The following CSNK1G1 variants were observed in gnomAD, a reference collection of about 807,000 sequenced individuals.
CSNK1G1 encodes casein kinase I isoform gamma-1.
Under a neutral mutation model 59.6 loss-of-function variants are expected in CSNK1G1, and 22 were observed. That is an observed-to-expected ratio of 0.37 (90% CI 0.26 to 0.53). The LOEUF is 0.53. Ranked by LOEUF, CSNK1G1 falls within the 20% of genes least tolerant of loss-of-function variation. The probability of loss-of-function intolerance (pLI) is 0.89; values close to 1 mark genes in which losing one functional copy is unlikely to be tolerated. For synonymous variants in CSNK1G1, 179 were observed against 177.1 expected (o/e 1.01, Z -0.08); for missense variants, 384 against 519.5 (o/e 0.74, Z 2.54).
chr15:64,204,779 C>T, intron 8 of CSNK1G1, 86 bp downstream of exon 8: 8 of 1,107,140 alleles, frequency 7.2e-6, no homozygotes, highest in South Asian at 1.3e-5. Context: ...ATTACCTAAA[C>T]AGCACCCCTA....
At chr15:64,213,550 C>T (rs951224493) in intron 6 of CSNK1G1, among the ~76,000 whole-genome samples, 1 of 152,192 alleles carries the variant, frequency 6.6e-6, no homozygotes, top group Non-Finnish European at 1.5e-5. Flanking sequence ...GCCTGATGTC[C>T]TCTTCAGGAC....
chr15:64,354,152 A>G (rs1898497782), intron 1 of CSNK1G1, among the ~76,000 whole-genome samples: 1 of 152,140 alleles, frequency 6.6e-6, no homozygotes, highest in Non-Finnish European at 1.5e-5. Flanking sequence ...AAAAATACAA[A>G]AAATTAGCTG....
intron 4 of CSNK1G1, among the ~76,000 whole-genome samples, chr15:64,243,886 A>G (rs1009507098): frequency 6.6e-6 from 1 of 151,554 alleles, no homozygotes; most frequent in African/African-American, 2.4e-5. Context: ...ATAAATAAAC[A>G]GGCCGGGCAT....
At chr15:64,251,478 T>C (rs373737364) in intron 4 of CSNK1G1, 34 bp downstream of exon 4, 2 of 1,511,848 alleles carry the variant, frequency 1.3e-6, no homozygotes, top group South Asian at 1.2e-5. Context: ...CTAAGATACA[T>C]ACTAAGTAAG....
At chr15:64,180,528 G>A (rs1487278051) in intron 10 of CSNK1G1, 74 bp from the exon 11 acceptor site, 27 of 1,158,334 alleles carry the variant, frequency 2.3e-5, no homozygotes, top group Non-Finnish European at 2.7e-5. Context: ...AGACAGGGTC[G>A]CTAAACAGGC....
intron 2 of CSNK1G1, among the ~76,000 whole-genome samples, chr15:64,295,940 G>C (rs942961800): frequency 6.6e-6 from 1 of 152,128 alleles, no homozygotes; most frequent in Non-Finnish European, 1.5e-5. Flanking sequence ...CTATGACCCA[G>C]TCATGTATAA....
chr15:64,270,019 C>G (rs1893199886), intron 2 of CSNK1G1, among the ~76,000 whole-genome samples: 1 of 152,110 alleles, frequency 6.6e-6, no homozygotes. Context: ...ACTGGCCAGG[C>G]TGGTCTTGAA....
At chr15:64,227,566 GAAGTCCAGT>G (rs1316436176) in intron 4 of CSNK1G1, among the ~76,000 whole-genome samples, 2 of 152,124 alleles carry the variant, frequency 1.3e-5, no homozygotes, top group East Asian at 3.9e-4. Context: ...AATATGAAAG[GAAGTCCAGT>G]AACTTCTTCC....
intron 1 of CSNK1G1, among the ~76,000 whole-genome samples, chr15:64,334,934 T>TA (rs1897307526): frequency 6.6e-6 from 1 of 152,232 alleles, no homozygotes; most frequent in Admixed American, 6.5e-5. Flanking sequence ...AGTGTACTTC[T>TA]ATAACTACCT....
At chr15:64,351,078 C>T (rs1333386437) in intron 1 of CSNK1G1, among the ~76,000 whole-genome samples, 1 of 152,088 alleles carries the variant, frequency 6.6e-6, no homozygotes, top group Non-Finnish European at 1.5e-5. Context: ...ATATGTAGTA[C>T]TAAAATCTAT....
intron 1 of CSNK1G1, among the ~76,000 whole-genome samples, chr15:64,340,676 A>T (rs1048406639): frequency 2.0e-5 from 3 of 152,186 alleles, no homozygotes; most frequent in African/African-American, 7.2e-5. Flanking sequence ...CTTTAAGGTC[A>T]TGTATGTTGG....
intron 6 of CSNK1G1, among the ~76,000 whole-genome samples, chr15:64,208,195 T>G (rs1487813283): frequency 6.6e-6 from 1 of 152,208 alleles, no homozygotes; most frequent in Non-Finnish European, 1.5e-5. Context: ...TAGAATTTAT[T>G]ACTAAGGTCT....
At chr15:64,257,493 C>T (rs1021388406) in intron 3 of CSNK1G1, among the ~76,000 whole-genome samples, 1 of 152,190 alleles carries the variant, frequency 6.6e-6, no homozygotes, top group South Asian at 2.1e-4. Flanking sequence ...TTAAGAATAA[C>T]CAAATTCCTA....
chr15:64,345,991 T>G (rs1355158370), intron 1 of CSNK1G1, among the ~76,000 whole-genome samples: 3 of 151,984 alleles, frequency 2.0e-5, no homozygotes, highest in Non-Finnish European at 4.4e-5. Context: ...GGGTTTCACC[T>G]TGTTGGCCAG....
intron 3 of CSNK1G1, among the ~76,000 whole-genome samples, chr15:64,256,066 G>C (rs943931568): frequency 3.3e-5 from 5 of 152,114 alleles, no homozygotes; most frequent in Admixed American, 3.3e-4. Flanking sequence ...TCTCCATCTG[G>C]TTGCAGATAT....
chr15:64,340,400 T>C (rs775026269), intron 1 of CSNK1G1, among the ~76,000 whole-genome samples: 29 of 152,354 alleles, frequency 1.9e-4, no homozygotes, highest in Admixed American at 5.2e-4. Context: ...ACATCTATTC[T>C]AATATAATGG....
chr15:64,216,431 C>T lies in CSNK1G1; in HGVS notation c.444+131G>A, dbSNP rs2082312469. ...TTACCCTTTTTGCCCCAGCCAGCTT[C>T]CCAGAATGCCATCAAGCCTGTGAGT... is the stretch of plus-strand genomic sequence containing the variant. On this transcript the variant is annotated intron_variant, in intron 5 of 11. Coordinates refer to ENST00000303052, the MANE Select transcript of CSNK1G1 (RefSeq NM_022048.5). The surrounding 1 kb of genome is among the most constrained non-coding windows in gnomAD (Gnocchi z 4.6). 1.1e-6 allele frequency: 1 copy of T among 875,152 alleles called. No homozygotes were observed. Among genetic ancestry groups the T allele is most frequent in the South Asian group, 1.8e-5 (1 of 55,986 alleles). The allele number at this position is 875,152 out of a possible 1,614,324, so 54.2% of individuals were successfully genotyped here.
At chr15:64,320,916 C>T (rs1156673820) in intron 1 of CSNK1G1, among the ~76,000 whole-genome samples, 1 of 152,000 alleles carries the variant, frequency 6.6e-6, no homozygotes, top group Non-Finnish European at 1.5e-5. Context: ...CGTAAGTGAT[C>T]TACATTGCCA....
chr15:64,263,541 C>T (rs912887241), intron 2 of CSNK1G1, among the ~76,000 whole-genome samples: 1 of 152,162 alleles, frequency 6.6e-6, no homozygotes, highest in Admixed American at 6.5e-5. Flanking sequence ...AGCCGCTTTT[C>T]ACAGTGCAGT....
Sources: allele counts gnomAD v4.1 joint callset (sites outside exome capture counted in the v4.1 genomes callset), GRCh38; gene constraint gnomAD v4.1.1; non-coding constraint Gnocchi (gnomAD v3.1); transcripts MANE v1.5; gene names NCBI Gene and HGNC (gene_info 2026-07-23, HGNC 2026-07-21).